Variants in RBP5 observed in about 807,000 individuals in gnomAD.
RBP5 encodes the protein retinol-binding protein 5.
RBP5 carries 12 observed loss-of-function variants against 17.8 expected under a neutral mutation model. The observed-to-expected ratio is 0.67, with a 90% CI of 0.43 to 1.09. The LOEUF (loss-of-function observed/expected upper bound fraction) is 1.09, where lower values mean the gene tolerates loss of function less well. Ranked by LOEUF, RBP5 falls within the 50% of genes least tolerant of loss-of-function variation. The pLI, the probability that RBP5 is intolerant of heterozygous loss-of-function variation, is 0.00. For missense variants in RBP5, 172 were observed against 169.4 expected, an observed-to-expected ratio of 1.02 and a Z score of -0.09; for synonymous variants, 64 against 68.1, an observed-to-expected ratio of 0.94 and a Z score of 0.30.
intron 3 of RBP5, chr12:7,118,414 C>CACGACAGAAAGAAGAAA (rs1939033593): frequency 1.3e-5 from 2 of 152,148 alleles, no homozygotes; most frequent in African/African-American, 4.8e-5. Context: ...TGAAAGAATT[C>CACGACAGAAAGAAGAAA]GCCTGAGGTT....
rs760229791 is a variant in RBP5, at chr12:7,128,807, A to G, written c.-32T>C. On this transcript the variant is annotated 5_prime_UTR_variant, in exon 1 of 4. Coordinates refer to ENST00000266560, the MANE Select transcript of RBP5 (RefSeq NM_031491.4). The surrounding 1 kb of genome is among the most constrained non-coding windows in gnomAD (Gnocchi z 5.3). ...GATGAAGGTTTCAGGAGAATGCAGGAGACAGGGTGAGGAAGGAGGGGGTGT... is the reference window on the plus strand; with the variant it reads ...GATGAAGGTTTCAGGAGAATGCAGGGGACAGGGTGAGGAAGGAGGGGGTGT... The G allele has an allele frequency of 4.6e-6, 7 of 1,536,936 alleles. No individual in the cohort carries two copies. The highest frequency in any genetic ancestry group is 6.2e-6 in the Non-Finnish European group (7 of 1,125,852).
chr12:7,128,316 C>G lies in RBP5; in HGVS notation c.176G>C (p.Arg59Pro). Residue 59 changes from arginine (R) to proline (P), a missense_variant, in exon 2 of 4, where the codon CGA becomes CCA. Coordinates refer to ENST00000266560, the MANE Select transcript of RBP5 (RefSeq NM_031491.4). The surrounding 1 kb of genome is among the most constrained non-coding windows in gnomAD (Gnocchi z 5.3). ...CACATCAAACTGCACAGTGTAGTTT[C>G]GGAAGGTGCTGAGCGTCCTCACCGT... Reference protein sequence around the residue: ...HMTVRTLSTFRNYTVQFDVGV... With the variant: ...HMTVRTLSTFPNYTVQFDVGV... The G allele has an allele frequency of 3.7e-6, 6 of 1,613,836 alleles. No individual in the cohort carries two copies. Among genetic ancestry groups the G allele is most frequent in the Non-Finnish European group, 5.1e-6 (6 of 1,179,898 alleles).
At chr12:7,120,107 G>A (rs1219733124), downstream of RBP5, among the ~76,000 whole-genome samples, 2 of 152,058 alleles carry the variant, frequency 1.3e-5, no homozygotes, top group Non-Finnish European at 2.9e-5. Context: ...GCAGAGGGAA[G>A]GGAGCTTGGG....
chr12:7,126,480 C>A (rs983892429), intron 2 of RBP5, among the ~76,000 whole-genome samples: 1 of 112,736 alleles, frequency 8.9e-6, no homozygotes, highest in Non-Finnish European at 1.8e-5. Context: ...GATTTCTTGG[C>A]CGATTAGATG....
At chr12:7,127,989 T>C (rs1273410278) in intron 2 of RBP5, among the ~76,000 whole-genome samples, 1 of 152,372 alleles carries the variant, frequency 6.6e-6, no homozygotes, top group African/African-American at 2.4e-5. Context: ...CTCTTCGGTC[T>C]GGGTTGGCCT....
rs1939218220 is a variant in RBP5, at chr12:7,128,539, C to T, written c.74-121G>A. The T allele has an allele frequency of 1.7e-5, 21 of 1,203,556 alleles. 1 individual carries two copies. In the South Asian group the frequency reaches 2.9e-4, roughly 16 times the overall value. The allele number at this position is 1,203,556 out of a possible 1,614,324, so 74.6% of individuals were successfully genotyped here. ...GTCTGGGACTGTGGATTCACCCCCTCCTACCAATGCCTGGTTAGAAATGGA... is the reference window on the plus strand; with the variant it reads ...GTCTGGGACTGTGGATTCACCCCCTTCTACCAATGCCTGGTTAGAAATGGA... On this transcript the variant is annotated intron_variant, in intron 1 of 3. Transcript: ENST00000266560. The surrounding 1 kb of genome is among the most constrained non-coding windows in gnomAD (Gnocchi z 5.3).
chr12:7,121,554 G>A (rs981982969), downstream of RBP5, among the ~76,000 whole-genome samples: 13 of 152,218 alleles, frequency 8.5e-5, no homozygotes, highest in Non-Finnish European at 1.8e-4. Context: ...TTGTTGCTCT[G>A]CCTCCTCTTG....
downstream of RBP5, chr12:7,122,635 A>G (rs1939096913): frequency 6.6e-6 from 1 of 152,242 alleles, no homozygotes; most frequent in Admixed American, 6.5e-5. Flanking sequence ...AGGCTTGGAC[A>G]TGCACTGTGA....
At chr12:7,129,856 T>TG (rs1939245046), upstream of RBP5, 19 of 971,498 alleles carry the variant, frequency 2.0e-5, no homozygotes, top group South Asian at 4.8e-5. The surrounding 1 kb of genome is among the most constrained non-coding windows in gnomAD (Gnocchi z 5.5). Context: ...CACGACGTCC[T>TG]GCCCCTCCTT....
chr12:7,128,300 C>T lies in RBP5; in HGVS notation c.192G>A (p.Gln64=), dbSNP rs1381174302. Residue 64 remains glutamine, a synonymous_variant, in exon 2 of 4, where the codon CAG becomes CAA. Transcript: ENST00000266560. The surrounding 1 kb of genome is among the most constrained non-coding windows in gnomAD (Gnocchi z 5.3). ...CCTCAAACTCCACTCCCACATCAAA[C>T]TGCACAGTGTAGTTTCGGAAGGTGC... ...TLSTFRNYTV[Q]FDVGVEFEED... 2.5e-6 allele frequency: 4 copies of T among 1,614,136 alleles called. No individual in the cohort carries two copies. The highest frequency in any genetic ancestry group is 3.3e-5 in the Admixed American group (2 of 60,012).
chr12:7,129,544 C>A, upstream of RBP5: 1 of 900,230 alleles, frequency 1.1e-6, no homozygotes, highest in East Asian at 1.2e-4. The surrounding 1 kb of genome is among the most constrained non-coding windows in gnomAD (Gnocchi z 5.5). Flanking sequence ...TTCTTTTTGG[C>A]TTGGGACCCA....
rs761601632 is a variant in RBP5, at chr12:7,128,342, C to CA, written c.149dup (p.Met50IlefsTer17). ...GGAAGGTGCTGAGCGTCCTCACCGT[C>CA]ATGTGGTTGCCCTGGTGTTCGATCT... On this transcript the variant is annotated frameshift_variant, in exon 2 of 4. Coordinates refer to ENST00000266560, the MANE Select transcript of RBP5 (RefSeq NM_031491.4). LOFTEE classifies it high-confidence loss of function. The surrounding 1 kb of genome is among the most constrained non-coding windows in gnomAD (Gnocchi z 5.3). The CA allele has an allele frequency of 1.2e-5, 19 of 1,614,096 alleles. 1 individual carries two copies. The South Asian group carries it at 2.1e-4, about 18-fold the overall frequency.
downstream of RBP5, chr12:7,122,279 G>A (rs1939092448): frequency 6.6e-6 from 1 of 152,282 alleles, no homozygotes; most frequent in Non-Finnish European, 1.5e-5. Context: ...TGCCTCTGAA[G>A]CTGCATAGTC....
exon 4 of RBP5, chr12:7,116,871 A>C (rs1200470728): frequency 6.9e-6 from 1 of 145,190 alleles, no homozygotes; most frequent in Non-Finnish European, 1.5e-5. Context: ...ATGAAATTCA[A>C]GGTTGAGACT....
rs1939122980 is a variant in RBP5, at chr12:7,124,214, G to A, written c.355-40C>T. On this transcript the variant is annotated intron_variant, in intron 3 of 3. Coordinates refer to ENST00000266560, the MANE Select transcript of RBP5 (RefSeq NM_031491.4). This position sits in a 1 kb window ranked among gnomAD's most constrained non-coding sequence, Gnocchi z 5.3. ...GAAGTGAGGGGGAGAGAGAAAGAGG[G>A]CGTTTGCCAGCCAGAGCCCCTTTCT... is the stretch of plus-strand genomic sequence containing the variant. The A allele has an allele frequency of 6.3e-7, 1 of 1,597,122 alleles. No individual in the cohort carries two copies. The highest frequency in any genetic ancestry group is 1.3e-5 in the African/African-American group (1 of 74,666).
chr12:7,116,992 G>A (rs1939013719), exon 4 of RBP5: 1 of 152,268 alleles, frequency 6.6e-6, no homozygotes, highest in South Asian at 2.1e-4. Context: ...AGAAGCGGCT[G>A]AGATGGGTAG....
chr12:7,116,276 A>G (rs978248718), exon 4 of RBP5: 2 of 152,228 alleles, frequency 1.3e-5, no homozygotes, highest in African/African-American at 2.4e-5. Flanking sequence ...CAAACTGACC[A>G]TCCAGGTTTG....
At chr12:7,126,511 G>A (rs1939163459) in intron 2 of RBP5, among the ~76,000 whole-genome samples, 1 of 96,688 alleles carries the variant, frequency 1.0e-5, no homozygotes, top group South Asian at 3.2e-4. Context: ...GGTGGTGGTG[G>A]TGTGTGTGTG....
At chr12:7,127,580 AT>A (rs530260196) in intron 2 of RBP5, 36 of 642,730 alleles carry the variant, frequency 5.6e-5, no homozygotes, top group Non-Finnish European at 9.5e-5. Flanking sequence ...ATATTTTTCC[AT>A]TTGCAGTTTG....
Sources: allele counts gnomAD v4.1 joint callset (sites outside exome capture counted in the v4.1 genomes callset), GRCh38; gene constraint gnomAD v4.1.1; non-coding constraint Gnocchi (gnomAD v3.1); transcripts MANE v1.5; gene names NCBI Gene and HGNC (gene_info 2026-07-23, HGNC 2026-07-21).